Variants in UVRAG observed in about 807,000 individuals in gnomAD.
The protein encoded by UVRAG is UV radiation resistance-associated gene protein.
In UVRAG, 19 loss-of-function variants were observed where a neutral mutation model predicts 78.0. The ratio of observed to expected loss-of-function variants is 0.24; its 90% CI spans 0.17 to 0.36. The LOEUF (loss-of-function observed/expected upper bound fraction) is 0.36, where lower values mean the gene tolerates loss of function less well. Ranked by LOEUF, UVRAG falls within the 10% of genes least tolerant of loss-of-function variation. The probability of loss-of-function intolerance (pLI) is 1.00; values close to 1 mark genes in which losing one functional copy is unlikely to be tolerated. For missense variants in UVRAG, 740 were observed against 853.8 expected, an observed-to-expected ratio of 0.87 and a Z score of 1.66; for synonymous variants, 323 against 324.6, an observed-to-expected ratio of 1.00 and a Z score of 0.05.
intron 12 of UVRAG, among the ~76,000 whole-genome samples, chr11:76,054,269 A>T (rs1376824349): frequency 6.6e-6 from 1 of 152,208 alleles, no homozygotes; most frequent in Non-Finnish European, 1.5e-5. Flanking sequence ...TCACCAGATC[A>T]TGTTGGCTCT....
intron 7 of UVRAG, among the ~76,000 whole-genome samples, chr11:75,968,644 T>TC (rs1298369366): frequency 1.3e-5 from 2 of 152,222 alleles, no homozygotes; most frequent in Admixed American, 1.3e-4. Flanking sequence ...AAAACATATC[T>TC]CAGTATGTAC....
At chr11:76,084,466 C>G (rs1467506272) in intron 13 of UVRAG, among the ~76,000 whole-genome samples, 1 of 152,114 alleles carries the variant, frequency 6.6e-6, no homozygotes, top group Non-Finnish European at 1.5e-5. Flanking sequence ...TATTCTCTTT[C>G]CCTGCCTAGA....
At chr11:76,123,338 G>T (rs2134481868) in intron 14 of UVRAG, among the ~76,000 whole-genome samples, 1 of 152,284 alleles carries the variant, frequency 6.6e-6, no homozygotes, top group East Asian at 1.9e-4. Context: ...ATAAAACTTT[G>T]GGAAGAATTT....
chr11:75,886,940 G>GT (rs1036679620), intron 4 of UVRAG, among the ~76,000 whole-genome samples: 53 of 144,122 alleles, frequency 3.7e-4, no homozygotes, highest in Middle Eastern at 7.2e-3. Flanking sequence ...ACTACTTCGA[G>GT]TTTTTTTTTT....
rs115083367 is a variant in UVRAG, at chr11:76,121,328, A to G, written c.1397+5313A>G. Among the ~76,000 whole-genome samples the G allele has an allele frequency of 3.0e-3, 464 of 152,330 alleles. 6 individuals carry two copies. Among genetic ancestry groups the G allele is most frequent in the African/African-American group, 0.011 (442 of 41,566 alleles). Reference sequence around the variant, plus strand: ...TTTTTTCATCCTAAGATTATAACCTAGTCGTAACTGCCAAGCAACACAATT... The same window carrying G: ...TTTTTTCATCCTAAGATTATAACCTGGTCGTAACTGCCAAGCAACACAATT... On this transcript the variant is annotated intron_variant, in intron 14 of 14. Coordinates refer to ENST00000356136, the MANE Select transcript of UVRAG (RefSeq NM_003369.4).
intron 14 of UVRAG, among the ~76,000 whole-genome samples, chr11:76,117,058 T>TTAAAG (rs1352424924): frequency 6.6e-6 from 1 of 152,136 alleles, no homozygotes; most frequent in Admixed American, 6.6e-5. Context: ...GAATTAAGTT[T>TTAAAG]TAAAGTAAAG....
chr11:75,826,693 CTTT>C (rs11289695), intron 1 of UVRAG, among the ~76,000 whole-genome samples: 3 of 133,220 alleles, frequency 2.3e-5, no homozygotes, highest in African/African-American at 2.7e-5. Context: ...CCATGCCTAT[CTTT>C]TTTTTTTTTT....
intron 12 of UVRAG, among the ~76,000 whole-genome samples, chr11:76,048,930 A>G (rs1950812476): frequency 6.6e-6 from 1 of 152,252 alleles, no homozygotes; most frequent in African/African-American, 2.4e-5. Flanking sequence ...GCAGCCAAGC[A>G]GGCATAGGGC....
chr11:75,945,103 AAAAT>A (rs1245980989), intron 6 of UVRAG, among the ~76,000 whole-genome samples: 3 of 152,182 alleles, frequency 2.0e-5, no homozygotes, highest in Non-Finnish European at 4.4e-5. Context: ...TACATCTAAA[AAAAT>A]AAATTAATTA....
intron 2 of UVRAG, among the ~76,000 whole-genome samples, chr11:75,857,493 C>T (rs1303798305): frequency 6.6e-6 from 1 of 151,380 alleles, no homozygotes; most frequent in African/African-American, 2.4e-5. Context: ...CTTTTTCCCC[C>T]CCCCTTTTTT....
rs146716568 is a variant in UVRAG at position 75,841,636 on chromosome 11, A to G, written c.118-10247A>G. On this transcript the variant is annotated intron_variant, in intron 1 of 14. Transcript: ENST00000356136. ...CTTTTATAGCAATACTGGAATAAAC[A>G]TATTTGAACACAATTTTATGACTTG... Among the ~76,000 whole-genome samples the G allele has an allele frequency of 5.7e-3, 871 of 152,288 alleles. 8 individuals carry two copies. Among genetic ancestry groups the G allele is most frequent in the African/African-American group, 0.019 (804 of 41,540 alleles).
intron 12 of UVRAG, among the ~76,000 whole-genome samples, chr11:76,036,857 G>GA (rs1279302223): frequency 6.6e-6 from 1 of 151,744 alleles, no homozygotes; most frequent in Non-Finnish European, 1.5e-5. Context: ...GTCTTTTTTA[G>GA]AAAAAAATAT....
chr11:76,071,618 T>C (rs1182540813), intron 13 of UVRAG, among the ~76,000 whole-genome samples: 1 of 152,198 alleles, frequency 6.6e-6, no homozygotes, highest in African/African-American at 2.4e-5. Context: ...CTAGCTACTT[T>C]AATGGATTGC....
rs141124807 is a variant in UVRAG at position 76,008,661 on chromosome 11, A to G, written c.1000-146A>G. On this transcript the variant is annotated intron_variant, in intron 10 of 14. Transcript: ENST00000356136. ...TAGGGAGAGAGTAGAATGAATCACCATGTACTCATCATCCAGCTTCAACAA... is the reference window on the plus strand; with the variant it reads ...TAGGGAGAGAGTAGAATGAATCACCGTGTACTCATCATCCAGCTTCAACAA... The G allele has an allele frequency of 1.6e-3, 766 of 479,160 alleles. 6 individuals carry two copies. Among genetic ancestry groups the G allele is most frequent in the African/African-American group, 0.014 (703 of 51,548 alleles). 29.7% of individuals were successfully genotyped at this position (479,160 alleles called of 1,614,324 possible).
intron 12 of UVRAG, 125 bp downstream of exon 12, chr11:76,017,105 C>CA (rs1950162520): frequency 3.4e-6 from 2 of 584,262 alleles, no homozygotes; most frequent in Non-Finnish European, 5.2e-6. Flanking sequence ...TAGAGTGCCT[C>CA]ATTCATTTAA....
chr11:76,008,898 A>T, intron 11 of UVRAG, 31 bp downstream of exon 11: 1 of 1,157,360 alleles, frequency 8.6e-7, no homozygotes, highest in South Asian at 1.6e-5. Context: ...AAGATTTGTT[A>T]TATATTAATA....
chr11:75,885,873 T>G (rs1025049232), intron 4 of UVRAG, among the ~76,000 whole-genome samples: 1 of 152,166 alleles, frequency 6.6e-6, no homozygotes. Flanking sequence ...CCTAATACAT[T>G]ATTAGATTTT....
chr11:75,918,513 G>A (rs1947909333), intron 6 of UVRAG, among the ~76,000 whole-genome samples: 1 of 152,094 alleles, frequency 6.6e-6, no homozygotes, highest in Admixed American at 6.5e-5. Context: ...TGCCCTTAGG[G>A]ACCAAGGTCT....
chr11:76,143,757 GT>G lies in UVRAG; in HGVS notation c.*2347del. ...AAGTTGTAGAGTTAGTATGGCCTCT[GT>G]TTAAAGTGGCTGGGGCCAAAATAAG... is the stretch of plus-strand genomic sequence containing the variant. On this transcript the variant is annotated 3_prime_UTR_variant, in exon 15 of 15. Coordinates refer to ENST00000356136, the MANE Select transcript of UVRAG (RefSeq NM_003369.4). 6.6e-6 allele frequency among the ~76,000 whole-genome samples: 1 copy of G among 152,334 alleles called. No homozygotes were observed. Among genetic ancestry groups the G allele is most frequent in the African/African-American group, 2.4e-5 (1 of 41,570 alleles).
Sources: gnomAD v4.1 joint callset for allele counts (sites outside exome capture counted in the v4.1 genomes callset) on GRCh38, gnomAD v4.1.1 for gene constraint, MANE v1.5 for transcripts, NCBI Gene and HGNC (gene_info 2026-07-23, HGNC 2026-07-21) for gene names.